The following ARPP21 variants were observed in gnomAD, a reference collection of about 807,000 sequenced individuals.
The protein encoded by ARPP21 is cAMP-regulated phosphoprotein 21.
A neutral mutation model predicts 113.2 loss-of-function variants in ARPP21; 69 were observed. That is an observed-to-expected ratio of 0.61 (90% CI 0.50 to 0.74). The LOEUF is 0.74. ARPP21 is among the 30% of genes least tolerant of loss of function. The pLI is 0.00. For missense variants in ARPP21, 1,070 were observed against 1,037.4 expected (o/e 1.03, Z -0.43); for synonymous variants, 368 against 375.5 (o/e 0.98, Z 0.23).
chr3:35,732,670 A>G (rs529142170), intron 15 of ARPP21, among the ~76,000 whole-genome samples: 1 of 152,294 alleles, frequency 6.6e-6, no homozygotes, highest in South Asian at 2.1e-4. Context: ...AAACTTGTTA[A>G]TGTTCATATA....
At chr3:35,665,142 G>C (rs902672428) in intron 1 of ARPP21, among the ~76,000 whole-genome samples, 3 of 152,174 alleles carry the variant, frequency 2.0e-5, no homozygotes, top group Non-Finnish European at 2.9e-5. Flanking sequence ...ATATAAGTGT[G>C]TCTTGGTTTA....
chr3:35,785,963 G>A (rs2096624194), intron 19 of ARPP21, among the ~76,000 whole-genome samples: 1 of 151,946 alleles, frequency 6.6e-6, no homozygotes, highest in Non-Finnish European at 1.5e-5. Context: ...GATGGATACA[G>A]CAACTGCCAA....
chr3:35,708,862 T>C (rs1418484503), intron 10 of ARPP21, 107 bp from the exon 11 acceptor site: 6 of 730,316 alleles, frequency 8.2e-6, no homozygotes, highest in Non-Finnish European at 1.4e-5. Context: ...TTTTTCAGGC[T>C]CCATTTGTTT....
At chr3:35,775,480 A>G (rs555115949) in intron 19 of ARPP21, among the ~76,000 whole-genome samples, 48 of 152,232 alleles carry the variant, frequency 3.2e-4, no homozygotes, top group African/African-American at 1.2e-3. Context: ...ATGTGTGTGT[A>G]TATATATGTA....
At chr3:35,769,145 A>G (rs2096099895) in intron 19 of ARPP21, among the ~76,000 whole-genome samples, 1 of 152,186 alleles carries the variant, frequency 6.6e-6, no homozygotes, top group Non-Finnish European at 1.5e-5. Flanking sequence ...TATCTTGAGA[A>G]AGTAAAAATC....
rs966845401 is a variant in ARPP21, at chr3:35,744,272, AT to A, written c.2137+317del. On this transcript the variant is annotated intron_variant, in intron 19 of 20. Transcript: ENST00000684406. Reference sequence around the variant, plus strand: ...CCTTTCTAGTTCATACCTTCTTTTAATTTTTTTTTTCTTTTCAATTTGAAGA... The same window carrying A: ...CCTTTCTAGTTCATACCTTCTTTTAATTTTTTTTTCTTTTCAATTTGAAGA... Among the ~76,000 whole-genome samples the A allele has an allele frequency of 1.3e-4, 20 of 150,396 alleles. 1 individual carries two copies. The highest frequency in any genetic ancestry group is 6.0e-4 in the Admixed American group (9 of 15,104).
chr3:35,643,775 T>C (rs1045593927), intron 1 of ARPP21: 1 of 152,044 alleles, frequency 6.6e-6, no homozygotes, highest in African/African-American at 2.4e-5. Flanking sequence ...TAGGAGAGAA[T>C]GTGGGGCTTA....
At chr3:35,645,877 G>A (rs1700022019) in intron 1 of ARPP21, among the ~76,000 whole-genome samples, 1 of 151,910 alleles carries the variant, frequency 6.6e-6, no homozygotes, top group Admixed American at 6.6e-5. Flanking sequence ...AAAAAAAATA[G>A]TTTATCCATG....
At chr3:35,649,988 A>C (rs1701764950) in intron 1 of ARPP21, among the ~76,000 whole-genome samples, 1 of 152,134 alleles carries the variant, frequency 6.6e-6, no homozygotes, top group African/African-American at 2.4e-5. Flanking sequence ...GATGGAATGA[A>C]CTTCCATTCA....
intron 1 of ARPP21, among the ~76,000 whole-genome samples, chr3:35,647,450 G>A (rs1700659877): frequency 6.6e-6 from 1 of 152,056 alleles, no homozygotes; most frequent in South Asian, 2.1e-4. Flanking sequence ...CCAAAGGTAG[G>A]CTAGTAGCTT....
chr3:35,793,944 C>T lies in ARPP21; in HGVS notation c.2530C>T (p.Gln844Ter), dbSNP rs1404453361. The T allele has an allele frequency of 6.2e-7, 1 of 1,613,586 alleles. No individual in the cohort carries two copies. Among genetic ancestry groups the T allele is most frequent in the Non-Finnish European group, 8.5e-7 (1 of 1,179,636 alleles). Residue 844 changes from glutamine to a stop codon, truncating the protein, a stop_gained, in exon 21 of 21, where the codon CAG (glutamine) becomes TAG (stop). Transcript: ENST00000684406. LOFTEE classifies it high-confidence loss of function. ...NCASMSNAGW[Q>*]VKF Reference sequence around the variant, plus strand: ...TGCAAGTATGAGCAATGCTGGTTGGCAGGTCAAATTCTGAGAGCTCTGGCT... The same window carrying T: ...TGCAAGTATGAGCAATGCTGGTTGGTAGGTCAAATTCTGAGAGCTCTGGCT...
intron 1 of ARPP21, among the ~76,000 whole-genome samples, chr3:35,646,426 C>G (rs151248531): frequency 6.6e-6 from 1 of 152,142 alleles, no homozygotes; most frequent in East Asian, 1.9e-4. Context: ...ATTTAATCAT[C>G]AAAGAGCTTT....
intron 19 of ARPP21, among the ~76,000 whole-genome samples, chr3:35,775,950 A>G (rs1028046320): frequency 1.3e-5 from 2 of 152,122 alleles, no homozygotes; most frequent in Non-Finnish European, 2.9e-5. Context: ...AAAGTGTAAT[A>G]TTTTCAAACA....
chr3:35,792,568 G>A (rs1239568827), intron 20 of ARPP21, 38 bp downstream of exon 20: 1 of 1,611,674 alleles, frequency 6.2e-7, no homozygotes, highest in Non-Finnish European at 8.5e-7. Context: ...GGGTTTTAAA[G>A]TAGAATTTGC....
intron 4 of ARPP21, 75 bp from the exon 5 acceptor site, chr3:35,683,651 A>G: frequency 1.4e-6 from 1 of 733,080 alleles, no homozygotes; most frequent in Non-Finnish European, 2.5e-6. Context: ...TGTGGAGATG[A>G]TTTGGCAGTC....
At position 35,792,215 on chromosome 3, in the gene ARPP21, TAA is replaced by T. The variant is rs1033389790; in HGVS notation, c.2138-160_2138-159del. 4 of 654,932 alleles carry T rather than the reference TAA, an allele frequency of 6.1e-6. No homozygotes were observed. In the African/African-American group the frequency reaches 7.2e-5, roughly 12 times the overall value. 40.6% of individuals were successfully genotyped at this position (654,932 alleles called of 1,614,324 possible). On this transcript the variant is annotated intron_variant, in intron 19 of 20. Transcript: ENST00000684406. ...CCATAATCTTGTTCACTCTTAGAAG[TAA>T]AAAAAAGAGAAAATGCATTCTTAGG...
At chr3:35,683,621 A>C (rs2079628206) in intron 4 of ARPP21, 105 bp from the exon 5 acceptor site, 1 of 682,270 alleles carries the variant, frequency 1.5e-6, no homozygotes, top group Non-Finnish European at 2.7e-6. Context: ...TAAAAATCTC[A>C]TTTGGGGAAG....
chr3:35,750,583 T>C (rs1026490774), intron 19 of ARPP21, among the ~76,000 whole-genome samples: 3 of 151,980 alleles, frequency 2.0e-5, no homozygotes, highest in Admixed American at 6.6e-5. Context: ...CCAAATCAGG[T>C]TGGTTTATTT....
At chr3:35,759,733 T>C (rs905331524) in intron 19 of ARPP21, among the ~76,000 whole-genome samples, 5 of 150,188 alleles carry the variant, frequency 3.3e-5, no homozygotes, top group Non-Finnish European at 6.0e-5. Flanking sequence ...GAAATTTATT[T>C]TCCCACAGTT....
Sources: allele counts gnomAD v4.1 joint callset (sites outside exome capture counted in the v4.1 genomes callset), GRCh38; gene constraint gnomAD v4.1.1; transcripts MANE v1.5; gene names NCBI Gene and HGNC (gene_info 2026-07-23, HGNC 2026-07-21).